PCDHA12: variants seen among roughly 807,000 people sequenced by gnomAD.
The protein encoded by PCDHA12 is protocadherin alpha-12.
Under a neutral mutation model 60.0 loss-of-function variants are expected in PCDHA12, and 44 were observed. The observed-to-expected ratio is 0.73, with a 90% confidence interval of 0.58 to 0.94. The LOEUF (loss-of-function observed/expected upper bound fraction) is 0.94. Among genes scored for constraint, PCDHA12 ranks in the 40% least tolerant of loss-of-function variants. The probability of loss-of-function intolerance (pLI) is 0.00; values close to 1 mark genes in which losing one functional copy is unlikely to be tolerated. For missense variants in PCDHA12, 1,276 were observed against 1,239.7 expected (o/e 1.03, Z -0.44); for synonymous variants, 569 against 553.0 (o/e 1.03, Z -0.40).
At chr5:140,925,238 T>C (rs2082404327) in intron 1 of PCDHA12, among the ~76,000 whole-genome samples, 1 of 152,248 alleles carries the variant, frequency 6.6e-6, no homozygotes, top group African/African-American at 2.4e-5. Context: ...CCAGAAAATA[T>C]GTCCTGGAAA....
At chr5:140,936,244 T>C (rs879962489) in intron 1 of PCDHA12, among the ~76,000 whole-genome samples, 13 of 152,192 alleles carry the variant, frequency 8.5e-5, no homozygotes, top group Non-Finnish European at 1.6e-4. Context: ...AGAAAACATA[T>C]CCTGCTTCAA....
In PCDHA12 at chr5:140,876,892, A is replaced by G. The variant is rs782046911; in HGVS notation, c.1420A>G (p.Ile474Val). ...GGAGAACAACCCGCCGGGCTGCCAC[A>G]TCTTCACGGTGTCGGCATGGGACGC... ...VKENNPPGCH[I>V]FTVSAWDADA... Residue 474 changes from isoleucine to valine, a missense_variant, in exon 1 of 4, where the codon ATC (isoleucine) becomes GTC (valine). By Grantham distance (29) the Ile-to-Val change is conservative. Coordinates refer to ENST00000398631, the MANE Select transcript of PCDHA12 (RefSeq NM_018903.4). 1.2e-6 allele frequency: 2 copies of G among 1,614,044 alleles called. No individual in the cohort carries two copies. The highest frequency in any genetic ancestry group is 1.1e-5 in the South Asian group (1 of 91,066).
chr5:140,995,544 A>T (rs2097688289), intron 3 of PCDHA12, among the ~76,000 whole-genome samples: 1 of 152,234 alleles, frequency 6.6e-6, no homozygotes, highest in African/African-American at 2.4e-5. Context: ...ATAAGGGGCG[A>T]TCACTGTACT....
intron 1 of PCDHA12, among the ~76,000 whole-genome samples, chr5:140,960,972 T>G (rs936519951): frequency 4.9e-4 from 75 of 152,306 alleles, no homozygotes; most frequent in Non-Finnish European, 2.2e-4. Flanking sequence ...GCAGTTGCAA[T>G]TCTTGTTCCA....
At position 140,883,880 on chromosome 5, in the gene PCDHA12, C is replaced by T. The variant is rs782301944; in HGVS notation, c.2367+6041C>T. The stretch of plus-strand genomic sequence containing the variant: ...GCTGTTGCAGTTCCAGGTGAGCGCG[C>T]GCGACTCTGGCGTGCCGCCTCTGGG... On this transcript the variant is annotated intron_variant, in intron 1 of 3. Transcript: ENST00000398631. 20 of 1,613,304 alleles carry T rather than the reference C, an allele frequency of 1.2e-5. No homozygotes were observed. The Middle Eastern group carries it at 6.9e-4, about 56-fold the overall frequency.
chr5:140,975,840 A>G (rs1387222678), intron 1 of PCDHA12, among the ~76,000 whole-genome samples: 2 of 152,202 alleles, frequency 1.3e-5, no homozygotes, highest in African/African-American at 2.4e-5. Context: ...CTTATTCTTC[A>G]GTAATACTAC....
chr5:140,884,577 T>G, intron 1 of PCDHA12: 1 of 1,614,230 alleles, frequency 6.2e-7, no homozygotes, highest in Non-Finnish European at 8.5e-7. Context: ...ACGGACCTCA[T>G]GGCCTTCAGT....
chr5:140,901,020 C>G (rs528406801), intron 1 of PCDHA12, among the ~76,000 whole-genome samples: 2 of 152,262 alleles, frequency 1.3e-5, no homozygotes, highest in African/African-American at 4.8e-5. Flanking sequence ...TGAGAAACAT[C>G]TATTCAACTC....
intron 1 of PCDHA12, chr5:140,882,248 CTG>C (rs1554173227): frequency 1.3e-6 from 2 of 1,594,792 alleles, no homozygotes; most frequent in Non-Finnish European, 1.7e-6. Context: ...GCAGATAGCT[CTG>C]AGGTTTTTGG....
intron 1 of PCDHA12, chr5:140,929,146 CAG>C (rs782305171): frequency 6.2e-7 from 1 of 1,614,180 alleles, no homozygotes; most frequent in Non-Finnish European, 8.5e-7. Flanking sequence ...GAGACTTTCT[CAG>C]ACTTATCTCT....
chr5:140,937,197 C>T (rs1228010742), intron 1 of PCDHA12, among the ~76,000 whole-genome samples: 2 of 151,938 alleles, frequency 1.3e-5, no homozygotes, highest in African/African-American at 2.4e-5. Flanking sequence ...GCCACCATGC[C>T]CGGCTAATTT....
At chr5:140,927,342 TGAC>T (rs1554204398) in intron 1 of PCDHA12, 1 of 1,614,160 alleles carries the variant, frequency 6.2e-7, no homozygotes, top group Non-Finnish European at 8.5e-7. Context: ...ATGCCCAAGA[TGAC>T]GACGAGGGAA....
chr5:140,928,068 CA>C, intron 1 of PCDHA12: 1 of 1,614,214 alleles, frequency 6.2e-7, no homozygotes, highest in South Asian at 1.1e-5. Context: ...CTTCCTTTGA[CA>C]ACTACTACAG....
At chr5:140,906,993 C>T (rs1361320380) in intron 1 of PCDHA12, among the ~76,000 whole-genome samples, 1 of 152,146 alleles carries the variant, frequency 6.6e-6, no homozygotes, top group African/African-American at 2.4e-5. Flanking sequence ...CAGCATTCCT[C>T]CCTCTGGAAC....
chr5:140,964,969 G>T (rs2095866914), intron 1 of PCDHA12, among the ~76,000 whole-genome samples: 1 of 152,190 alleles, frequency 6.6e-6, no homozygotes, highest in South Asian at 2.1e-4. Flanking sequence ...TGGAACGAAG[G>T]GATGTGCTAG....
Position 140,982,562 on chromosome 5 carries a change from A to C in PCDHA12, c.2514A>C (p.Pro838=). ...QQWPTVSSAT[P]EPEAGEVSPP... ...GGCCAACAGTATCCAGTGCAACACCAGGTAAAGAGCTGGGGTCTCTCCATT... is the reference window on the plus strand; with the variant it reads ...GGCCAACAGTATCCAGTGCAACACCCGGTAAAGAGCTGGGGTCTCTCCATT... Residue 838 remains proline, a splice_region_variant and synonymous_variant, in exon 3 of 4, where the codon CCA becomes CCC. Coordinates refer to ENST00000398631, the MANE Select transcript of PCDHA12 (RefSeq NM_018903.4). 3 of 1,614,062 alleles carry C rather than the reference A, an allele frequency of 1.9e-6. No individual in the cohort carries two copies. The highest frequency in any genetic ancestry group is 2.5e-6 in the Non-Finnish European group (3 of 1,179,936).
At chr5:140,997,918 A>G (rs2097790482) in intron 3 of PCDHA12, among the ~76,000 whole-genome samples, 1 of 152,220 alleles carries the variant, frequency 6.6e-6, no homozygotes, top group South Asian at 2.1e-4. Context: ...TTACAGAATC[A>G]TAGGATATAA....
intron 2 of PCDHA12, among the ~76,000 whole-genome samples, chr5:140,981,439 T>C (rs1468864699): frequency 6.6e-6 from 1 of 152,128 alleles, no homozygotes; most frequent in Non-Finnish European, 1.5e-5. Flanking sequence ...CCAGGCATGG[T>C]GGCGGGTGCC....
At chr5:140,957,189 G>A (rs1376112973) in intron 1 of PCDHA12, among the ~76,000 whole-genome samples, 1 of 152,056 alleles carries the variant, frequency 6.6e-6, no homozygotes. Context: ...ATTGATGACC[G>A]ATTGGGAATA....
Sources: gnomAD v4.1 joint callset for allele counts (sites outside exome capture counted in the v4.1 genomes callset) on GRCh38, gnomAD v4.1.1 for gene constraint, MANE v1.5 for transcripts, NCBI Gene and HGNC (gene_info 2026-07-23, HGNC 2026-07-21) for gene names.